ABCA12: variants seen among roughly 807,000 people sequenced by gnomAD.
ABCA12 encodes ATP binding cassette subfamily A member 12.
Under a neutral mutation model 293.5 loss-of-function variants are expected in ABCA12, and 156 were observed. The observed-to-expected ratio is 0.53, with a 90% confidence interval of 0.47 to 0.61. The LOEUF (loss-of-function observed/expected upper bound fraction) is 0.61, where lower values mean the gene tolerates loss of function less well. ABCA12 is among the 20% of genes least tolerant of loss of function. ABCA12 has a pLI of 0.00. For synonymous variants in ABCA12, 1,063 were observed against 1,108.0 expected (o/e 0.96, Z 0.81); for missense variants, 2,797 against 3,090.2 (o/e 0.91, Z 2.25).
intron 1 of ABCA12, among the ~76,000 whole-genome samples, chr2:215,127,032 A>T (rs1702941939): frequency 1.3e-5 from 2 of 152,056 alleles, no homozygotes; most frequent in Non-Finnish European, 2.9e-5. Flanking sequence ...AAATTTCCAT[A>T]TGATTTTTGT....
chr2:214,947,936 C>T (rs17879522), intron 47 of ABCA12: 129,429 of 274,418 alleles, frequency 0.47, 32,516 homozygotes, highest in African/African-American at 0.71. Context: ...TCCTCTTTCT[C>T]CTTACTGAGG....
At chr2:214,942,563 C>T (rs1373606209) in intron 50 of ABCA12, among the ~76,000 whole-genome samples, 1 of 152,144 alleles carries the variant, frequency 6.6e-6, no homozygotes, top group Non-Finnish European at 1.5e-5. Flanking sequence ...TCTATGCCTT[C>T]ATTTACTTGT....
At chr2:214,991,970 G>A (rs891593901) in intron 23 of ABCA12, among the ~76,000 whole-genome samples, 2 of 151,956 alleles carry the variant, frequency 1.3e-5, no homozygotes, top group Non-Finnish European at 2.9e-5. Context: ...ACCATGGCAC[G>A]TGTATACCTA....
At chr2:215,077,179 A>G (rs1196422518) in intron 2 of ABCA12, among the ~76,000 whole-genome samples, 2 of 152,184 alleles carry the variant, frequency 1.3e-5, no homozygotes, top group Non-Finnish European at 2.9e-5. Context: ...TTAGAGTCTG[A>G]TAAAGTTGGG....
chr2:215,064,072 T>G lies in ABCA12; in HGVS notation c.311A>C (p.Lys104Thr), dbSNP rs549020816. The G allele has an allele frequency of 2.4e-5, 39 of 1,612,722 alleles. No individual in the cohort carries two copies. In the African/African-American group the frequency reaches 3.6e-4, roughly 15 times the overall value. ...ACTTGAGAAGTGCCCCCACCTGTCT[T>G]TAAATAGTGCATCATCAATTCCTTT... ...RRKGIDDALF[K>T]DSEILRKSSN... The change falls in exon 3 of 53, where the codon AAA (lysine) becomes ACA (threonine). Residue 104 changes from lysine (K) to threonine (T), a missense_variant. Around this residue, in one of 3 missense-constraint regions of ABCA12, gnomAD observed 656 missense variants for 638.2 expected, o/e 1.03. Coordinates refer to ENST00000272895, the MANE Select transcript of ABCA12 (RefSeq NM_173076.3).
chr2:214,980,343 T>A lies in ABCA12; in HGVS notation c.4740+140A>T, dbSNP rs1237268345. 3.3e-6 allele frequency: 4 copies of A among 1,230,700 alleles called. No individual in the cohort carries two copies. The East Asian group carries it at 1.0e-4, about 31-fold the overall frequency. 76.2% of individuals were successfully genotyped at this position (1,230,700 alleles called of 1,614,324 possible). On this transcript the variant is annotated intron_variant, in intron 31 of 52. Transcript: ENST00000272895. The stretch of plus-strand genomic sequence containing the variant: ...TTAGTCAAGACCTCCAGGATTTCGA[T>A]GCTCACTCAAATATGAGAAGCAGTA...
intron 41 of ABCA12, among the ~76,000 whole-genome samples, chr2:214,957,331 T>G (rs1698981671): frequency 6.6e-6 from 1 of 152,166 alleles, no homozygotes; most frequent in African/African-American, 2.4e-5. Context: ...TGCAGGAAGA[T>G]GGACACAATG....
At chr2:215,060,957 C>T (rs2222492) in intron 3 of ABCA12, among the ~76,000 whole-genome samples, 89,691 of 151,278 alleles carry the variant, frequency 0.59, 26,927 homozygotes, top group East Asian at 0.68. Flanking sequence ...GGAAACTGCC[C>T]CCAGGATCTC....
intron 4 of ABCA12, among the ~76,000 whole-genome samples, 192 bp from the exon 5 acceptor site, chr2:215,052,776 A>G (rs1473417522): frequency 6.6e-6 from 1 of 152,128 alleles, no homozygotes; most frequent in Non-Finnish European, 1.5e-5. Context: ...TTCATATAAA[A>G]TTGTGATGAC....
chr2:214,949,793 A>C, intron 45 of ABCA12, among the ~76,000 whole-genome samples: 1 of 152,238 alleles, frequency 6.6e-6, no homozygotes, highest in East Asian at 1.9e-4. Flanking sequence ...CAGCACCCTG[A>C]ACAGGCTTCC....
chr2:215,017,342 G>A (rs1019832513), intron 14 of ABCA12, among the ~76,000 whole-genome samples: 2 of 152,008 alleles, frequency 1.3e-5, no homozygotes, highest in African/African-American at 4.8e-5. Flanking sequence ...CATTTTGAGT[G>A]GAAAACCCTA....
chr2:215,006,967 C>T (rs143423889), intron 19 of ABCA12, among the ~76,000 whole-genome samples: 2,487 of 146,214 alleles, frequency 0.017, 38 homozygotes, highest in Non-Finnish European at 0.028. Context: ...CCTCCACCTC[C>T]CAGGTTCAAG....
chr2:214,937,713 A>G (rs1451622555), intron 50 of ABCA12, 98 bp from the exon 51 acceptor site: 1 of 842,252 alleles, frequency 1.2e-6, no homozygotes, highest in South Asian at 1.4e-5. Context: ...GCCAACCATT[A>G]TATCACCTTT....
At chr2:215,116,212 T>G (rs114520263) in intron 1 of ABCA12, among the ~76,000 whole-genome samples, 5,831 of 152,330 alleles carry the variant, frequency 0.038, 148 homozygotes, top group African/African-American at 0.049. Context: ...ACAATTTGTT[T>G]CTGCCTCATT....
intron 32 of ABCA12, 124 bp downstream of exon 32, chr2:214,978,680 A>G (rs917936475): frequency 4.1e-6 from 5 of 1,208,358 alleles, no homozygotes; most frequent in Non-Finnish European, 6.0e-6. Context: ...TACTGAAAAA[A>G]TGTTAAGCTT....
chr2:215,064,992 A>G (rs967928439), intron 2 of ABCA12, among the ~76,000 whole-genome samples: 1 of 151,912 alleles, frequency 6.6e-6, no homozygotes, highest in Non-Finnish European at 1.5e-5. Flanking sequence ...CCGTTTAAAA[A>G]CCAATAGTGA....
At chr2:215,103,848 A>T (rs1389718526) in intron 2 of ABCA12, among the ~76,000 whole-genome samples, 1 of 152,206 alleles carries the variant, frequency 6.6e-6, no homozygotes, top group East Asian at 1.9e-4. Context: ...TTAGCCAGGT[A>T]TCTTGGTGGA....
chr2:214,953,936 T>C lies in ABCA12; in HGVS notation c.6565A>G (p.Met2189Val). The C allele has an allele frequency of 6.2e-7, 1 of 1,614,036 alleles. No homozygotes were observed. The highest frequency in any genetic ancestry group is 8.5e-7 in the Non-Finnish European group (1 of 1,179,978). ...CCCTGAGAAACCAAAGCCACAAACA[T>C]TGCACCTAGTTTATTCATCTCAAAG... ...ETFEMNKLGA[M>V]FVALVSQGTM... Residue 2189 changes from methionine (M) to valine (V), a missense_variant, in exon 44 of 53, where the codon ATG (methionine) becomes GTG (valine). Transcript: ENST00000272895.
chr2:214,994,274 T>G (rs367731410), intron 23 of ABCA12, among the ~76,000 whole-genome samples: 1 of 151,552 alleles, frequency 6.6e-6, no homozygotes, highest in Non-Finnish European at 1.5e-5. Context: ...AAGTGACAGA[T>G]GTCAGGTGCC....
Sources: allele counts gnomAD v4.1 joint callset (sites outside exome capture counted in the v4.1 genomes callset), GRCh38; gene constraint gnomAD v4.1.1; regional missense constraint gnomAD v4.1.1; transcripts MANE v1.5; gene names NCBI Gene and HGNC (gene_info 2026-07-23, HGNC 2026-07-21).